Variants in SEMA3A observed in about 807,000 individuals in gnomAD.
SEMA3A encodes semaphorin-3A.
A neutral mutation model predicts 97.9 loss-of-function variants in SEMA3A; 29 were observed. The observed-to-expected ratio is 0.30, with a 90% CI of 0.22 to 0.40. The LOEUF (loss-of-function observed/expected upper bound fraction) is 0.40. SEMA3A is among the 10% of genes least tolerant of loss of function. The pLI is 1.00. For missense variants in SEMA3A, 763 were observed against 951.3 expected, an observed-to-expected ratio of 0.80 and a Z score of 2.60; for synonymous variants, 321 against 323.7, an observed-to-expected ratio of 0.99 and a Z score of 0.09.
At chr7:83,972,509 T>A (rs1444184626) in intron 15 of SEMA3A, among the ~76,000 whole-genome samples, 1 of 152,060 alleles carries the variant, frequency 6.6e-6, no homozygotes, top group East Asian at 1.9e-4. Context: ...CATAGGAATG[T>A]TTACTTTAAA....
At chr7:83,993,066 A>G (rs1584517773) in intron 12 of SEMA3A, among the ~76,000 whole-genome samples, 1 of 139,792 alleles carries the variant, frequency 7.2e-6, no homozygotes, top group East Asian at 2.1e-4. Context: ...CTTTACCATT[A>G]TGTAATGGCC....
At chr7:84,479,162 C>T (rs1242331887) in intron 1 of SEMA3A, among the ~76,000 whole-genome samples, 1 of 152,058 alleles carries the variant, frequency 6.6e-6, no homozygotes, top group African/African-American at 2.4e-5. Flanking sequence ...GTAAAAAATG[C>T]ATCAAGTAGG....
At chr7:84,200,046 C>T (rs1798316874), upstream of SEMA3A, among the ~76,000 whole-genome samples, 1 of 151,854 alleles carries the variant, frequency 6.6e-6, no homozygotes, top group Non-Finnish European at 1.5e-5. Flanking sequence ...TAACTCTTCC[C>T]TCTCCCTTTG....
chr7:84,440,613 G>T (rs1805248958), intron 1 of SEMA3A, among the ~76,000 whole-genome samples: 1 of 152,068 alleles, frequency 6.6e-6, no homozygotes, highest in African/African-American at 2.4e-5. Flanking sequence ...TGGGATAATG[G>T]AATGCCACCA....
intron 1 of SEMA3A, among the ~76,000 whole-genome samples, chr7:84,376,970 G>A (rs1052441609): frequency 5.3e-5 from 8 of 151,908 alleles, no homozygotes; most frequent in East Asian, 1.9e-4. Flanking sequence ...TATTCTTTAC[G>A]CTGTTGCTTA....
chr7:84,408,987 A>G (rs1321005024), intron 1 of SEMA3A, among the ~76,000 whole-genome samples: 1 of 151,780 alleles, frequency 6.6e-6, no homozygotes, highest in Non-Finnish European at 1.5e-5. Flanking sequence ...TGGCACATGT[A>G]TACATATGTA....
chr7:84,264,873 T>C (rs1337976411), intron 3 of SEMA3A, among the ~76,000 whole-genome samples: 1 of 152,130 alleles, frequency 6.6e-6, no homozygotes. Flanking sequence ...GTTTCCAGAT[T>C]CTAATAAGAT....
intron 6 of SEMA3A, among the ~76,000 whole-genome samples, chr7:84,033,638 A>G (rs532826163): frequency 2.4e-4 from 37 of 152,202 alleles, no homozygotes; most frequent in Non-Finnish European, 5.1e-4. Flanking sequence ...GTAGGGATAT[A>G]AAATAATCTA....
At chr7:84,326,481 A>G (rs559568870) in intron 2 of SEMA3A, among the ~76,000 whole-genome samples, 8 of 152,224 alleles carry the variant, frequency 5.3e-5, no homozygotes, top group African/African-American at 1.9e-4. Context: ...GAAAAGATAC[A>G]GAATGATTAA....
At chr7:84,382,588 G>A (rs1467546704) in intron 1 of SEMA3A, among the ~76,000 whole-genome samples, 1 of 150,194 alleles carries the variant, frequency 6.7e-6, no homozygotes, top group East Asian at 2.0e-4. Flanking sequence ...GCCTGGCACA[G>A]TGGCTCACGC....
chr7:84,143,859 T>C lies in SEMA3A; in HGVS notation c.113-8908A>G, dbSNP rs573476496. ...GTATAGGTAAAGCATAAAGCCATGGTCATCATCATTATTATCATCATTTCA... is the reference window on the plus strand; with the variant it reads ...GTATAGGTAAAGCATAAAGCCATGGCCATCATCATTATTATCATCATTTCA... On this transcript the variant is annotated intron_variant, in intron 1 of 16. Transcript: ENST00000265362. Among the ~76,000 whole-genome samples, 5 of 149,344 alleles carry C rather than the reference T, an allele frequency of 3.3e-5. No homozygotes were observed. In the South Asian group the frequency reaches 1.1e-3, roughly 32 times the overall value.
intron 2 of SEMA3A, among the ~76,000 whole-genome samples, chr7:84,367,743 T>A (rs754888119): frequency 6.6e-6 from 1 of 150,918 alleles, no homozygotes; most frequent in South Asian, 2.1e-4. Context: ...CCTATATATA[T>A]AGGTAGAGGC....
chr7:83,967,621 G>T (rs1210346028), intron 15 of SEMA3A, among the ~76,000 whole-genome samples: 3 of 152,050 alleles, frequency 2.0e-5, no homozygotes, highest in Non-Finnish European at 2.9e-5. Flanking sequence ...GGGGCATAAT[G>T]GCGGGTACCT....
intron 10 of SEMA3A, among the ~76,000 whole-genome samples, chr7:84,006,793 A>T (rs545254808): frequency 1.3e-5 from 2 of 152,286 alleles, no homozygotes; most frequent in African/African-American, 4.8e-5. Context: ...AAAAATATTA[A>T]TAATTCATGA....
intron 3 of SEMA3A, among the ~76,000 whole-genome samples, chr7:84,278,640 G>C (rs1167586182): frequency 6.6e-6 from 1 of 152,092 alleles, no homozygotes; most frequent in African/African-American, 2.4e-5. Context: ...TACAATCATG[G>C]TGGAGAGCAA....
At chr7:84,221,465 A>G (rs1239418427) in intron 3 of SEMA3A, among the ~76,000 whole-genome samples, 2 of 152,124 alleles carry the variant, frequency 1.3e-5, no homozygotes, top group African/African-American at 4.8e-5. Flanking sequence ...CTTTGGGCCT[A>G]TCTCAGCTTT....
At chr7:84,056,008 C>G (rs746524845) in intron 5 of SEMA3A, among the ~76,000 whole-genome samples, 2 of 152,132 alleles carry the variant, frequency 1.3e-5, no homozygotes, top group Admixed American at 6.5e-5. Context: ...CTATACCCTA[C>G]AAGATCTTTA....
chr7:84,425,824 C>CATATAT (rs201313923), intron 1 of SEMA3A, among the ~76,000 whole-genome samples: 5 of 140,336 alleles, frequency 3.6e-5, no homozygotes, highest in Non-Finnish European at 7.6e-5. Flanking sequence ...TACAATATAT[C>CATATAT]ATATATATAT....
intron 1 of SEMA3A, among the ~76,000 whole-genome samples, chr7:84,385,483 G>A (rs1407683160): frequency 1.3e-5 from 2 of 152,108 alleles, no homozygotes; most frequent in African/African-American, 2.4e-5. Flanking sequence ...CAAACTCATC[G>A]TTTCATTGCT....
Sources: allele counts gnomAD v4.1 joint callset (sites outside exome capture counted in the v4.1 genomes callset), GRCh38; gene constraint gnomAD v4.1.1; transcripts MANE v1.5; gene names NCBI Gene and HGNC (gene_info 2026-07-23, HGNC 2026-07-21).